The following FDFT1 variants were observed in gnomAD, a reference collection of about 807,000 sequenced individuals.
FDFT1 encodes the protein squalene synthase.
A neutral mutation model predicts 46.8 loss-of-function variants in FDFT1; 68 were observed. The ratio of observed to expected loss-of-function variants is 1.45; its 90% CI spans 1.19 to 1.78. The LOEUF is 1.78. FDFT1 is among the 40% of genes most tolerant of loss of function. The pLI, the probability that FDFT1 is intolerant of heterozygous loss-of-function variation, is 0.00. For missense variants in FDFT1, 928 were observed against 524.4 expected, an observed-to-expected ratio of 1.77 and a Z score of -7.52; for synonymous variants, 351 against 185.1, an observed-to-expected ratio of 1.90 and a Z score of -7.28.
chr8:11,815,608 T>C (rs1435449593), intron 3 of FDFT1, among the ~76,000 whole-genome samples: 1 of 152,248 alleles, frequency 6.6e-6, no homozygotes, highest in African/African-American at 2.4e-5. Flanking sequence ...GATTTGCATT[T>C]CTCTGATGAC....
intron 1 of FDFT1, among the ~76,000 whole-genome samples, chr8:11,804,287 TC>T (rs1198698546): frequency 2.6e-5 from 4 of 152,338 alleles, no homozygotes; most frequent in Admixed American, 2.0e-4. Flanking sequence ...TATGTCTCTT[TC>T]CTTTCTACAG....
intron 4 of FDFT1, among the ~76,000 whole-genome samples, chr8:11,822,282 T>A (rs1809360605): frequency 6.6e-6 from 1 of 152,212 alleles, no homozygotes; most frequent in Non-Finnish European, 1.5e-5. Context: ...CAGTCAGATT[T>A]AGCAGGCAGA....
chr8:11,796,072 G>C (rs1184744258), intron 1 of FDFT1: 1 of 152,180 alleles, frequency 6.6e-6, no homozygotes, highest in Admixed American at 6.5e-5. Context: ...GTGAAAAACG[G>C]GGGATTTAAC....
intron 1 of FDFT1, among the ~76,000 whole-genome samples, chr8:11,807,774 T>G (rs1160223077): frequency 1.3e-5 from 2 of 152,196 alleles, no homozygotes; most frequent in Non-Finnish European, 2.9e-5. Flanking sequence ...TTGAAAGGAA[T>G]GGCTGGCTTT....
chr8:11,803,958 T>A (rs12056593), intron 1 of FDFT1: 1,872 of 152,540 alleles, frequency 0.012, 52 homozygotes, highest in Admixed American at 0.054. Flanking sequence ...ATTATTTGAA[T>A]TATTTTGCTA....
upstream of FDFT1, chr8:11,802,395 G>C: frequency 4.4e-6 from 2 of 456,708 alleles, no homozygotes; most frequent in South Asian, 3.1e-5. Context: ...TTGGGCTCCT[G>C]CGCATCCTAA....
At chr8:11,831,799 A>G (rs1320891364) in intron 7 of FDFT1, 129 bp downstream of exon 7, 5 of 794,104 alleles carry the variant, frequency 6.3e-6, no homozygotes, top group Middle Eastern at 3.6e-4. Flanking sequence ...AGAGACAGGA[A>G]TTGATATCCT....
intron 3 of FDFT1, among the ~76,000 whole-genome samples, chr8:11,818,389 G>C (rs1035295372): frequency 6.6e-5 from 10 of 152,342 alleles, no homozygotes; most frequent in Middle Eastern, 6.8e-3. Flanking sequence ...GCTTGGTCCA[G>C]AGCTGAGTTC....
At chr8:11,836,450 A>C (rs1195867417) in intron 7 of FDFT1, among the ~76,000 whole-genome samples, 1 of 152,236 alleles carries the variant, frequency 6.6e-6, no homozygotes, top group African/African-American at 2.4e-5. Context: ...GTGGGTCCCC[A>C]CAACCCAGAG....
At chr8:11,801,086 G>T (rs1315977957), upstream of FDFT1, among the ~76,000 whole-genome samples, 1 of 152,166 alleles carries the variant, frequency 6.6e-6, no homozygotes. Flanking sequence ...TCTAGATGAG[G>T]TGTGAGCAGA....
intron 1 of FDFT1, chr8:11,796,079 T>G (rs930975797): frequency 2.6e-5 from 4 of 152,218 alleles, no homozygotes; most frequent in African/African-American, 9.7e-5. Flanking sequence ...ACGGGGGATT[T>G]AACATAGATT....
At chr8:11,831,830 T>A (rs1810847289) in intron 7 of FDFT1, 160 bp downstream of exon 7, 1 of 652,220 alleles carries the variant, frequency 1.5e-6, no homozygotes, top group Non-Finnish European at 2.7e-6. Flanking sequence ...AAAAGTCTAT[T>A]CACAGGAGCC....
chr8:11,833,745 C>T (rs1279640204), intron 7 of FDFT1, among the ~76,000 whole-genome samples: 1 of 152,192 alleles, frequency 6.6e-6, no homozygotes, highest in Non-Finnish European at 1.5e-5. Flanking sequence ...TGAGGAGCTG[C>T]AACAGGCGAT....
At chr8:11,832,476 A>G (rs1260707107) in intron 7 of FDFT1, among the ~76,000 whole-genome samples, 1 of 144,452 alleles carries the variant, frequency 6.9e-6, no homozygotes, top group Non-Finnish European at 1.5e-5. Context: ...CATGAGCCTG[A>G]GAGGTCGAGG....
rs73663014 is a variant in FDFT1 at position 11,822,022 on chromosome 8, C to T, written c.510+144C>T. 3.0e-3 allele frequency: 2,844 copies of T among 952,490 alleles called. 56 individuals carry two copies. The African/African-American group carries it at 0.043, about 14-fold the overall frequency. The allele number at this position is 952,490 out of a possible 1,614,324, so 59.0% of individuals were successfully genotyped here. A position where few individuals can be genotyped will look rare whatever the true frequency, so the allele number is the denominator to read the frequency against. On this transcript the variant is annotated intron_variant, in intron 4 of 7. Coordinates refer to ENST00000220584, the MANE Select transcript of FDFT1 (RefSeq NM_004462.5). The stretch of plus-strand genomic sequence containing the variant: ...CATCTGTTTAGGTTGAATGTCTCAT[C>T]ATAAACAGTTTATTCCAGAGTTAAT...
At chr8:11,797,275 T>G (rs1404465789), upstream of FDFT1, among the ~76,000 whole-genome samples, 3 of 152,130 alleles carry the variant, frequency 2.0e-5, 1 homozygote, top group Non-Finnish European at 2.9e-5. Flanking sequence ...CAGCAGCGGT[T>G]GTTTAAGCCA....
At chr8:11,807,417 C>T (rs1487866458) in intron 1 of FDFT1, among the ~76,000 whole-genome samples, 1 of 152,210 alleles carries the variant, frequency 6.6e-6, no homozygotes, top group Non-Finnish European at 1.5e-5. Context: ...CCCACCTTGG[C>T]CTTCCGAAGT....
chr8:11,812,796 CCTTTATA>C (rs1461141435), intron 3 of FDFT1, among the ~76,000 whole-genome samples: 4 of 152,172 alleles, frequency 2.6e-5, no homozygotes, highest in Non-Finnish European at 4.4e-5. Flanking sequence ...TGAACCTGAT[CCTTTATA>C]CTTTAGTGAT....
At chr8:11,831,256 C>G (rs964133225) in intron 6 of FDFT1, among the ~76,000 whole-genome samples, 1 of 152,124 alleles carries the variant, frequency 6.6e-6, no homozygotes, top group Non-Finnish European at 1.5e-5. Context: ...TTTGCTTTTT[C>G]CAAATAAAAT....
Sources: gnomAD v4.1 joint callset for allele counts (sites outside exome capture counted in the v4.1 genomes callset) on GRCh38, gnomAD v4.1.1 for gene constraint, MANE v1.5 for transcripts, NCBI Gene and HGNC (gene_info 2026-07-23, HGNC 2026-07-21) for gene names.